Variants in IL1RL2 observed in about 807,000 individuals in gnomAD.
IL1RL2 encodes the protein interleukin 1 receptor like 2.
A neutral mutation model predicts 66.8 loss-of-function variants in IL1RL2; 68 were observed. That is an observed-to-expected ratio of 1.02 (90% CI 0.84 to 1.25). IL1RL2 has a LOEUF of 1.25. Ranked by LOEUF, IL1RL2 falls within the 50% of genes most tolerant of loss-of-function variation. The pLI is 0.00. For synonymous variants in IL1RL2, 305 were observed against 264.6 expected (o/e 1.15, Z -1.48); for missense variants, 729 against 709.3 (o/e 1.03, Z -0.32).
At chr2:102,198,481 C>T (rs1033959411) in intron 4 of IL1RL2, among the ~76,000 whole-genome samples, 1 of 152,142 alleles carries the variant, frequency 6.6e-6, no homozygotes, top group Non-Finnish European at 1.5e-5. Flanking sequence ...TTTTGGGTCC[C>T]TATCACTGTG....
chr2:102,222,087 A>C (rs1477664948), intron 8 of IL1RL2, among the ~76,000 whole-genome samples: 1 of 152,230 alleles, frequency 6.6e-6, no homozygotes, highest in East Asian at 1.9e-4. Flanking sequence ...CTATGCTGAT[A>C]GTCCTAATAA....
downstream of IL1RL2, among the ~76,000 whole-genome samples, chr2:102,242,159 T>C (rs779282444): frequency 3.9e-5 from 6 of 152,182 alleles, no homozygotes; most frequent in African/African-American, 1.2e-4. Context: ...AGGATGGAGA[T>C]TTTTGTTTTG....
chr2:102,223,508 G>T (rs1187024690), intron 8 of IL1RL2, among the ~76,000 whole-genome samples: 1 of 152,084 alleles, frequency 6.6e-6, no homozygotes, highest in Non-Finnish European at 1.5e-5. Flanking sequence ...TCAACAGTGG[G>T]CTCCCCATTT....
At chr2:102,224,221 A>C (rs950101395) in intron 8 of IL1RL2, among the ~76,000 whole-genome samples, 1 of 152,246 alleles carries the variant, frequency 6.6e-6, no homozygotes, top group African/African-American at 2.4e-5. Flanking sequence ...TGCTGGTTAT[A>C]TACCCAAAAG....
At chr2:102,194,132 A>T (rs1687463055) in intron 4 of IL1RL2, among the ~76,000 whole-genome samples, 1 of 152,174 alleles carries the variant, frequency 6.6e-6, no homozygotes, top group African/African-American at 2.4e-5. Flanking sequence ...TGCAAAAACT[A>T]TGCCTCCCTA....
rs773290038 is a variant in IL1RL2, at chr2:102,219,995, A to G, written c.969A>G (p.Ala323=). The change falls in exon 8 of 12, where the codon GCA becomes GCG. Residue 323 remains alanine (A), a synonymous_variant. Coordinates refer to ENST00000264257, the MANE Select transcript of IL1RL2 (RefSeq NM_003854.4). ...TGTGCCACGCTGGAGTGTCCACAGC[A>G]TACATTATATTACAGCTCCCAGGTA... is the stretch of plus-strand genomic sequence containing the variant. ...PFMCHAGVST[A]YIILQLPAPD... The G allele has an allele frequency of 1.9e-6, 3 of 1,613,224 alleles. No individual in the cohort carries two copies. In the South Asian group the frequency reaches 3.3e-5, roughly 18 times the overall value.
At chr2:102,219,809 C>T (rs1046096003) in intron 7 of IL1RL2, 72 bp from the exon 8 acceptor site, 47 of 1,431,882 alleles carry the variant, frequency 3.3e-5, no homozygotes, top group East Asian at 2.8e-4. Context: ...ACTTTATCTC[C>T]AGAAAACAGA....
intron 5 of IL1RL2, among the ~76,000 whole-genome samples, chr2:102,204,046 G>A (rs1340363812): frequency 6.6e-6 from 1 of 151,834 alleles, no homozygotes; most frequent in Non-Finnish European, 1.5e-5. Flanking sequence ...TCTGAGTACT[G>A]CTTTTGCTGT....
At chr2:102,210,154 G>C (rs958756245) in intron 5 of IL1RL2, among the ~76,000 whole-genome samples, 1 of 152,164 alleles carries the variant, frequency 6.6e-6, no homozygotes, top group African/African-American at 2.4e-5. Context: ...GAAGCATTAT[G>C]TGGATGATGG....
Position 102,196,577 on chromosome 2 carries a change from C to A in IL1RL2, c.489+4457C>A, listed in dbSNP as rs140048108. 6.5e-4 allele frequency among the ~76,000 whole-genome samples: 99 copies of A among 152,258 alleles called. No individual in the cohort carries two copies. The East Asian group carries it at 8.7e-3, about 13-fold the overall frequency. On this transcript the variant is annotated intron_variant, in intron 4 of 11. Coordinates refer to ENST00000264257, the MANE Select transcript of IL1RL2 (RefSeq NM_003854.4). Reference sequence around the variant, plus strand: ...TTATCAGAGGAAGCAGACAAGTAAACTAAGAATTTTATTACAGCATGAGGT... The same window carrying A: ...TTATCAGAGGAAGCAGACAAGTAAAATAAGAATTTTATTACAGCATGAGGT...
intron 11 of IL1RL2, among the ~76,000 whole-genome samples, chr2:102,237,516 C>G (rs961986958): frequency 6.6e-6 from 1 of 152,212 alleles, no homozygotes; most frequent in African/African-American, 2.4e-5. Flanking sequence ...AGTGAGGGGA[C>G]AGAGTGCGGA....
intron 8 of IL1RL2, among the ~76,000 whole-genome samples, chr2:102,220,493 G>A (rs571417734): frequency 2.0e-5 from 3 of 152,118 alleles, no homozygotes; most frequent in African/African-American, 4.8e-5. Context: ...TCTGAGTACC[G>A]TACAGAACTA....
At position 102,201,559 on chromosome 2, in the gene IL1RL2, T is replaced by C. The variant is rs781681881; in HGVS notation, c.493T>C (p.Cys165Arg). 1 of 1,613,992 alleles carries C rather than the reference T, an allele frequency of 6.2e-7. No homozygotes were observed. Among genetic ancestry groups the C allele is most frequent in the East Asian group, 2.2e-5 (1 of 44,884 alleles). Residue 165 changes from cysteine (C) to arginine (R), a missense_variant, in exon 5 of 12, where the codon TGT (cysteine) becomes CGT (arginine). Coordinates refer to ENST00000264257, the MANE Select transcript of IL1RL2 (RefSeq NM_003854.4). ...ATTTTGTTTTTATTTGTATTAGGAC[T>C]GTAACGAGATTAAAGGGGAGCGGTT... ...VLGPIKWYKD[C>R]NEIKGERFTV...
chr2:102,187,826 C>T (rs886440530), intron 1 of IL1RL2, 30 bp from the exon 2 acceptor site: 6 of 1,600,288 alleles, frequency 3.7e-6, no homozygotes, highest in Non-Finnish European at 5.1e-6. Flanking sequence ...CTGCGTCCTC[C>T]CCTCCCACCC....
intron 5 of IL1RL2, among the ~76,000 whole-genome samples, chr2:102,207,727 C>T (rs1287981120): frequency 1.3e-5 from 2 of 152,130 alleles, no homozygotes; most frequent in Admixed American, 6.5e-5. Flanking sequence ...GCCCACACTC[C>T]CTTGGCTGCC....
At chr2:102,190,263 C>A (rs1164305398) in intron 3 of IL1RL2, among the ~76,000 whole-genome samples, 2 of 152,152 alleles carry the variant, frequency 1.3e-5, no homozygotes, top group East Asian at 1.9e-4. Flanking sequence ...ATTTGTAAAG[C>A]TTTGTGGGGC....
chr2:102,201,406 A>G (rs944680112), intron 4 of IL1RL2, 150 bp from the exon 5 acceptor site: 10 of 645,220 alleles, frequency 1.5e-5, no homozygotes, highest in Non-Finnish European at 2.7e-5. Context: ...CTATCCATCT[A>G]TCATCAATCT....
chr2:102,234,446 G>GA (rs66478923), intron 10 of IL1RL2, among the ~76,000 whole-genome samples: 44,232 of 151,628 alleles, frequency 0.29, 7,913 homozygotes, highest in African/African-American at 0.48. Context: ...TTAAAAAAAA[G>GA]AAAAAACCCA....
At chr2:102,226,789 G>A (rs1690657439) in intron 9 of IL1RL2, among the ~76,000 whole-genome samples, 1 of 152,032 alleles carries the variant, frequency 6.6e-6, no homozygotes, top group Non-Finnish European at 1.5e-5. Context: ...GAAGAAAGAA[G>A]GAAGGGAAGA....
Sources: allele counts gnomAD v4.1 joint callset (sites outside exome capture counted in the v4.1 genomes callset), GRCh38; gene constraint gnomAD v4.1.1; transcripts MANE v1.5; gene names NCBI Gene and HGNC (gene_info 2026-07-23, HGNC 2026-07-21).